DNAH7: variants seen among roughly 807,000 people sequenced by gnomAD.
The protein encoded by DNAH7 is dynein axonemal heavy chain 7.
In DNAH7, 397 loss-of-function variants were observed where a neutral mutation model predicts 444.6. The ratio of observed to expected loss-of-function variants is 0.89; its 90% CI spans 0.82 to 0.97. DNAH7 has a LOEUF of 0.97. Among genes scored for constraint, DNAH7 ranks in the 50% least tolerant of loss-of-function variants. DNAH7 has a pLI of 0.00. For synonymous variants in DNAH7, 1,636 were observed against 1,624.4 expected, an observed-to-expected ratio of 1.01 and a Z score of -0.17; for missense variants, 4,902 against 4,800.8, an observed-to-expected ratio of 1.02 and a Z score of -0.62.
rs1692985086 is a variant in DNAH7, at chr2:195,740,786, G to A, written c.11848C>T (p.Leu3950Phe). ...KKLAESHPKI[L>F]YDTVPVMWLK... is the part of the protein sequence containing the mutation. ...CTAACCACAGGCACTGTATCATAAA[G>A]AATTTTGGGATGCGATTCTGCAAGT... The change falls in exon 64 of 65, where the codon CTT becomes TTT. Residue 3950 changes from leucine to phenylalanine, a missense_variant. Physicochemically the swap from Leu to Phe is conservative, Grantham distance 22. Transcript: ENST00000312428. The A allele has an allele frequency of 6.5e-7, 1 of 1,549,582 alleles. No individual in the cohort carries two copies. Among genetic ancestry groups the A allele is most frequent in the Non-Finnish European group, 8.7e-7 (1 of 1,146,814 alleles).
chr2:196,012,261 T>C (rs988849076), intron 10 of DNAH7, among the ~76,000 whole-genome samples: 1 of 152,198 alleles, frequency 6.6e-6, no homozygotes, highest in African/African-American at 2.4e-5. Context: ...TCCCAGATTA[T>C]GAATTATCAT....
intron 51 of DNAH7, 65 bp downstream of exon 51, chr2:195,816,563 T>C (rs1221108958): frequency 8.1e-7 from 1 of 1,231,262 alleles, no homozygotes; most frequent in Non-Finnish European, 1.1e-6. Flanking sequence ...ACAATAGAGG[T>C]CACAAATTAC....
chr2:196,032,170 C>CT (rs1334353053), intron 5 of DNAH7, among the ~76,000 whole-genome samples: 1 of 152,132 alleles, frequency 6.6e-6, no homozygotes, highest in African/African-American at 2.4e-5. Flanking sequence ...CGGGTTTCCC[C>CT]TTATCAAACC....
At chr2:195,892,818 T>A (rs1489014038) in intron 30 of DNAH7, 1 of 152,104 alleles carries the variant, frequency 6.6e-6, no homozygotes, top group Non-Finnish European at 1.5e-5. Flanking sequence ...GGCAATCATT[T>A]ATTTTTTATA....
At chr2:195,739,669 G>A (rs1231373694) in intron 64 of DNAH7, among the ~76,000 whole-genome samples, 3 of 152,136 alleles carry the variant, frequency 2.0e-5, no homozygotes, top group Non-Finnish European at 4.4e-5. Flanking sequence ...ATATACAGTG[G>A]ACCTCACTAT....
At chr2:195,914,799 G>T (rs1284296781) in intron 24 of DNAH7, among the ~76,000 whole-genome samples, 1 of 152,094 alleles carries the variant, frequency 6.6e-6, no homozygotes, top group East Asian at 1.9e-4. Context: ...AAATAGCTGG[G>T]ATTACAGGCA....
intron 58 of DNAH7, among the ~76,000 whole-genome samples, chr2:195,779,826 G>A (rs189871856): frequency 8.0e-4 from 121 of 152,096 alleles, no homozygotes; most frequent in Non-Finnish European, 1.4e-3. Flanking sequence ...GGCTGGCCTC[G>A]AACTCCCAGG....
intron 37 of DNAH7, among the ~76,000 whole-genome samples, 159 bp from the exon 38 acceptor site, chr2:195,876,002 C>T (rs182816901): frequency 6.6e-6 from 1 of 152,276 alleles, no homozygotes; most frequent in Non-Finnish European, 1.5e-5. Flanking sequence ...TCCTTAGCTT[C>T]CATGCTTTTA....
At chr2:195,921,316 C>T (rs1033550420) in intron 24 of DNAH7, among the ~76,000 whole-genome samples, 2 of 151,176 alleles carry the variant, frequency 1.3e-5, no homozygotes, top group South Asian at 2.1e-4. Context: ...AGCCCAAATG[C>T]CCATCAGTCA....
At chr2:196,008,200 C>T (rs1488097180) in intron 10 of DNAH7, among the ~76,000 whole-genome samples, 1 of 151,848 alleles carries the variant, frequency 6.6e-6, no homozygotes, top group Non-Finnish European at 1.5e-5. Context: ...CATCATTGGT[C>T]ATGAGGGAAA....
In DNAH7 at chr2:195,906,708, G is replaced by T. The variant is rs1462272504; in HGVS notation, c.4286C>A (p.Thr1429Lys). ...KLDPTCAVFI[T>K]MNPGYAGRSE... The stretch of plus-strand genomic sequence containing the variant: ...TCGCCCAGCATACCCAGGGTTCATT[G>T]TTATAAAGACAGCACATGTGGGGTC... The change falls in exon 27 of 65, where the codon ACA becomes AAA. Residue 1429 changes from threonine to lysine, a missense_variant. By Grantham distance (78) the Thr-to-Lys change is moderately conservative. Coordinates refer to ENST00000312428, the MANE Select transcript of DNAH7 (RefSeq NM_018897.3). The T allele has an allele frequency of 6.2e-7, 1 of 1,613,218 alleles. No individual in the cohort carries two copies. The highest frequency in any genetic ancestry group is 8.5e-7 in the Non-Finnish European group (1 of 1,179,490).
intron 46 of DNAH7, among the ~76,000 whole-genome samples, chr2:195,845,646 G>A (rs1698941793): frequency 6.6e-6 from 1 of 152,164 alleles, no homozygotes; most frequent in Admixed American, 6.5e-5. Context: ...AAAACAGCAT[G>A]ATACTGGTGC....
intron 25 of DNAH7, among the ~76,000 whole-genome samples, chr2:195,908,905 A>G (rs1381858184): frequency 6.6e-6 from 1 of 152,202 alleles, no homozygotes; most frequent in Non-Finnish European, 1.5e-5. Context: ...TCCAGCCAGG[A>G]ACAGTTTACT....
In DNAH7 at chr2:195,810,552, C is replaced by T. The variant is rs532934397; in HGVS notation, c.9762-681G>A. On this transcript the variant is annotated intron_variant, in intron 51 of 64. Transcript: ENST00000312428. ...TCAGCCTCCCAAGTAGCTGGGACTA[C>T]GGGCGTGCACCACCATGCCTGGCTA... is the stretch of plus-strand genomic sequence containing the variant. 3.9e-5 allele frequency among the ~76,000 whole-genome samples: 6 copies of T among 152,160 alleles called. No homozygotes were observed. The East Asian group carries it at 1.2e-3, about 29-fold the overall frequency.
At chr2:195,815,020 G>A (rs1697156967) in intron 51 of DNAH7, among the ~76,000 whole-genome samples, 1 of 151,530 alleles carries the variant, frequency 6.6e-6, no homozygotes, top group African/African-American at 2.4e-5. Flanking sequence ...GGGCTTACAG[G>A]TGTGAGCCAC....
intron 10 of DNAH7, among the ~76,000 whole-genome samples, chr2:196,007,359 G>C (rs1479908426): frequency 6.6e-6 from 1 of 152,114 alleles, no homozygotes; most frequent in Non-Finnish European, 1.5e-5. Context: ...CAGACTACCA[G>C]ATATCCATAT....
chr2:195,858,488 T>C lies in DNAH7; in HGVS notation c.8053A>G (p.Thr2685Ala), dbSNP rs1220825399. The change falls in exon 43 of 65, where the codon ACT becomes GCT. Residue 2685 changes from threonine (T) to alanine (A), a missense_variant. Coordinates refer to ENST00000312428, the MANE Select transcript of DNAH7 (RefSeq NM_018897.3). ...ILESALAALD[T>A]LTAQDITVVK... is the part of the protein sequence containing the mutation. The stretch of plus-strand genomic sequence containing the variant: ...GAAGCTCTTACCTGTGCAGTAAGAG[T>C]ATCAAGGGCGGCCAGTGCTGACTCT... 1 of 1,605,280 alleles carries C rather than the reference T, an allele frequency of 6.2e-7. No homozygotes were observed. The highest frequency in any genetic ancestry group is 1.7e-4 in the Middle Eastern group (1 of 5,996).
rs1217821540 is a variant in DNAH7 at position 195,955,928 on chromosome 2, G to C, written c.3078+1333C>G. Among the ~76,000 whole-genome samples the C allele has an allele frequency of 4.6e-5, 7 of 152,100 alleles. No homozygotes were observed. In the East Asian group the frequency reaches 1.4e-3, roughly 29 times the overall value. ...TGACATAAATTAATTAGAGATGATT[G>C]TGTTACAAAGCAACTTACTAATAGG... On this transcript the variant is annotated intron_variant, in intron 19 of 64. Transcript: ENST00000312428.
intron 48 of DNAH7, 70 bp downstream of exon 48, chr2:195,834,136 A>T (rs948471745): frequency 1.6e-5 from 24 of 1,467,636 alleles, no homozygotes; most frequent in Non-Finnish European, 2.1e-5. Context: ...GAAACAATCT[A>T]TACAGTTTTG....
Sources: gnomAD v4.1 joint callset for allele counts (sites outside exome capture counted in the v4.1 genomes callset) on GRCh38, gnomAD v4.1.1 for gene constraint, MANE v1.5 for transcripts, NCBI Gene and HGNC (gene_info 2026-07-23, HGNC 2026-07-21) for gene names.